Variants in ARMC2 observed in about 807,000 individuals in gnomAD.
ARMC2 encodes armadillo repeat-containing protein 2.
A neutral mutation model predicts 90.3 loss-of-function variants in ARMC2; 67 were observed. The observed-to-expected ratio is 0.74, with a 90% CI of 0.61 to 0.91. The LOEUF (loss-of-function observed/expected upper bound fraction) is 0.91, where lower values mean the gene tolerates loss of function less well. Ranked by LOEUF, ARMC2 falls within the 40% of genes least tolerant of loss-of-function variation. The pLI, the probability that ARMC2 is intolerant of heterozygous loss-of-function variation, is 0.00. For synonymous variants in ARMC2, 393 were observed against 393.0 expected (o/e 1.00, Z 0.00); for missense variants, 920 against 1,030.9 (o/e 0.89, Z 1.47).
chr6:108,892,209 T>C (rs1228435399), intron 5 of ARMC2, among the ~76,000 whole-genome samples: 1 of 152,170 alleles, frequency 6.6e-6, no homozygotes, highest in African/African-American at 2.4e-5. Context: ...GTGATAAATA[T>C]GAGAACTTCC....
At chr6:108,959,045 A>G (rs1454731743) in intron 13 of ARMC2, among the ~76,000 whole-genome samples, 1 of 152,230 alleles carries the variant, frequency 6.6e-6, no homozygotes, top group Non-Finnish European at 1.5e-5. Context: ...GATAACCAAA[A>G]TAATTCAGTT....
At chr6:109,050,928 T>A in the ARMC2 span, among the ~76,000 whole-genome samples, 1 of 152,224 alleles carries the variant, frequency 6.6e-6, no homozygotes, top group African/African-American at 2.4e-5. Context: ...AATGTGGTCC[T>A]CAGCCACCTC....
the ARMC2 span, among the ~76,000 whole-genome samples, chr6:109,046,772 G>A: frequency 0.025 from 3,484 of 137,220 alleles, 228 homozygotes; most frequent in African/African-American, 0.088. Flanking sequence ...CTGCCCGGCC[G>A]AGACCCCGTC....
rs908102310 is a variant in ARMC2, at chr6:108,910,020, T to C, written c.1024-879T>C. 4.1e-4 allele frequency among the ~76,000 whole-genome samples: 63 copies of C among 152,200 alleles called. 1 individual carries two copies. Among genetic ancestry groups the C allele is most frequent in the Non-Finnish European group, 2.9e-4 (20 of 68,036 alleles). ...TTTTCTTTCCTTCATCTCTACTATG[T>C]GTTCTTTTCTAAATTAATGTGAAAT... On this transcript the variant is annotated intron_variant, in intron 8 of 17. Coordinates refer to ENST00000392644, the MANE Select transcript of ARMC2 (RefSeq NM_032131.6).
chr6:109,048,074 C>T, the ARMC2 span, among the ~76,000 whole-genome samples: 1 of 146,824 alleles, frequency 6.8e-6, no homozygotes, highest in Non-Finnish European at 1.5e-5. Flanking sequence ...CTGTGAGAAA[C>T]ACCCAAGAAT....
At chr6:108,894,399 ACT>A in intron 5 of ARMC2, 66 bp from the exon 6 acceptor site, 1 of 1,337,322 alleles carries the variant, frequency 7.5e-7, no homozygotes. Context: ...TATATAGCAG[ACT>A]CTTGTCATTT....
chr6:108,934,508 T>G (rs1274478041), intron 11 of ARMC2, among the ~76,000 whole-genome samples: 1 of 152,192 alleles, frequency 6.6e-6, no homozygotes, highest in Non-Finnish European at 1.5e-5. Flanking sequence ...TATACCAGCC[T>G]CATAAAATGG....
the ARMC2 span, among the ~76,000 whole-genome samples, chr6:108,987,804 A>ATTTTT: frequency 9.4e-6 from 1 of 106,618 alleles, no homozygotes; most frequent in African/African-American, 4.1e-5. Flanking sequence ...AACAGCAGCT[A>ATTTTT]TCTTTTTTTT....
intron 5 of ARMC2, among the ~76,000 whole-genome samples, chr6:108,891,672 A>G (rs900537387): frequency 3.9e-5 from 6 of 152,162 alleles, no homozygotes; most frequent in African/African-American, 2.4e-5. Flanking sequence ...ATAGACTGCA[A>G]ACATTTTCTC....
chr6:109,028,465 G>GAC, the ARMC2 span, among the ~76,000 whole-genome samples: 65 of 152,072 alleles, frequency 4.3e-4, no homozygotes, highest in African/African-American at 1.5e-3. Flanking sequence ...TGGTACATTT[G>GAC]CATGTATGTA....
chr6:108,954,584 A>C (rs1274857896), intron 13 of ARMC2, among the ~76,000 whole-genome samples: 1 of 152,196 alleles, frequency 6.6e-6, no homozygotes, highest in Non-Finnish European at 1.5e-5. Flanking sequence ...AGATCGTGCC[A>C]CTGCATTCCA....
At chr6:108,862,520 G>A (rs1045208293) in intron 3 of ARMC2, among the ~76,000 whole-genome samples, 1 of 152,024 alleles carries the variant, frequency 6.6e-6, no homozygotes, top group Non-Finnish European at 1.5e-5. Flanking sequence ...TAAAATTTGG[G>A]GCCCCCAGTC....
intron 5 of ARMC2, among the ~76,000 whole-genome samples, chr6:108,886,598 C>T (rs1191552795): frequency 6.6e-6 from 1 of 152,172 alleles, no homozygotes; most frequent in Admixed American, 6.5e-5. Flanking sequence ...AATATAACTA[C>T]AGCCCAGGAG....
At chr6:108,856,346 T>C (rs914103647) in intron 2 of ARMC2, 1 of 153,392 alleles carries the variant, frequency 6.5e-6, no homozygotes, top group Non-Finnish European at 1.5e-5. Context: ...AAAGTTTTAC[T>C]TGTTAATTTC....
At chr6:108,937,461 G>T (rs1776047248) in intron 12 of ARMC2, among the ~76,000 whole-genome samples, 1 of 152,150 alleles carries the variant, frequency 6.6e-6, no homozygotes, top group Admixed American at 6.5e-5. Flanking sequence ...ATTAAGGTTT[G>T]CAGTTCCCCT....
At chr6:108,924,793 C>T (rs1361494887) in intron 10 of ARMC2, among the ~76,000 whole-genome samples, 1 of 152,188 alleles carries the variant, frequency 6.6e-6, no homozygotes, top group Admixed American at 6.5e-5. Context: ...GATGCCCCCT[C>T]TGGCAGCAGT....
downstream of ARMC2, among the ~76,000 whole-genome samples, chr6:108,977,067 C>T (rs949094941): frequency 1.3e-5 from 2 of 152,146 alleles, no homozygotes; most frequent in Non-Finnish European, 2.9e-5. Flanking sequence ...GAGAGGACAT[C>T]CTTGTCTTGT....
intron 5 of ARMC2, chr6:108,879,786 A>T (rs1316287417): frequency 2.6e-6 from 1 of 386,176 alleles, no homozygotes; most frequent in African/African-American, 2.1e-5. Context: ...CTGAGGAGCC[A>T]GAATCTCTGG....
chr6:108,892,617 G>C (rs950009457), intron 5 of ARMC2, among the ~76,000 whole-genome samples: 1 of 152,006 alleles, frequency 6.6e-6, no homozygotes, highest in Non-Finnish European at 1.5e-5. Context: ...AAATTAGCCA[G>C]GCATGGTGGC....
Sources: gnomAD v4.1 joint callset for allele counts (sites outside exome capture counted in the v4.1 genomes callset) on GRCh38, gnomAD v4.1.1 for gene constraint, MANE v1.5 for transcripts, NCBI Gene and HGNC (gene_info 2026-07-23, HGNC 2026-07-21) for gene names.